HPSE2: variants seen among roughly 807,000 people sequenced by gnomAD.
The protein encoded by HPSE2 is inactive heparanase-2.
HPSE2 carries 38 observed loss-of-function variants against 60.5 expected under a neutral mutation model. The ratio of observed to expected loss-of-function variants is 0.63; its 90% CI spans 0.48 to 0.82. HPSE2 has a LOEUF of 0.82. Ranked by LOEUF, HPSE2 falls within the 40% of genes least tolerant of loss-of-function variation. The pLI, the probability that HPSE2 is intolerant of heterozygous loss-of-function variation, is 0.00. For missense variants in HPSE2, 713 were observed against 740.4 expected, an observed-to-expected ratio of 0.96 and a Z score of 0.43; for synonymous variants, 295 against 293.2, an observed-to-expected ratio of 1.01 and a Z score of -0.06.
chr10:98,864,130 C>G (rs1308575018), intron 3 of HPSE2, among the ~76,000 whole-genome samples: 1 of 152,100 alleles, frequency 6.6e-6, no homozygotes, highest in Non-Finnish European at 1.5e-5. Context: ...AAAATGCATT[C>G]TGGGTTCTAA....
At chr10:99,164,770 T>C (rs113001287) in intron 2 of HPSE2, among the ~76,000 whole-genome samples, 3,009 of 151,162 alleles carry the variant, frequency 0.02, 111 homozygotes, top group African/African-American at 0.07. Flanking sequence ...CATGCCTGTA[T>C]TCCCAGCACT....
intron 3 of HPSE2, among the ~76,000 whole-genome samples, chr10:99,037,957 C>G (rs1482259105): frequency 1.3e-5 from 2 of 152,022 alleles, no homozygotes; most frequent in Non-Finnish European, 2.9e-5. Context: ...TATCACTAGC[C>G]ATTAGGGAAA....
At chr10:98,888,602 T>C (rs1220719984) in intron 3 of HPSE2, among the ~76,000 whole-genome samples, 1 of 152,146 alleles carries the variant, frequency 6.6e-6, no homozygotes, top group Non-Finnish European at 1.5e-5. Flanking sequence ...ATTGTATAAG[T>C]GAAGGTATGT....
intron 9 of HPSE2, among the ~76,000 whole-genome samples, chr10:98,577,447 G>A (rs1944672462): frequency 6.6e-6 from 1 of 152,062 alleles, no homozygotes; most frequent in Admixed American, 6.6e-5. Flanking sequence ...TTGCTCTGTG[G>A]TATTCACTAG....
At chr10:98,549,469 T>C (rs1029394643) in intron 9 of HPSE2, among the ~76,000 whole-genome samples, 1 of 152,206 alleles carries the variant, frequency 6.6e-6, no homozygotes, top group African/African-American at 2.4e-5. Context: ...TCTTGACTTA[T>C]TTCCATTAGG....
chr10:98,998,078 G>A (rs1956690564), intron 3 of HPSE2, among the ~76,000 whole-genome samples: 1 of 152,158 alleles, frequency 6.6e-6, no homozygotes, highest in Non-Finnish European at 1.5e-5. Flanking sequence ...CCTTCCTGAA[G>A]TCTCCATTCC....
At chr10:98,604,344 A>G (rs1324094357) in intron 9 of HPSE2, among the ~76,000 whole-genome samples, 2 of 152,180 alleles carry the variant, frequency 1.3e-5, no homozygotes, top group African/African-American at 4.8e-5. Context: ...ATACTATAAC[A>G]CAAATGAAGA....
chr10:98,573,157 T>C (rs1944546879), intron 9 of HPSE2, among the ~76,000 whole-genome samples: 1 of 152,244 alleles, frequency 6.6e-6, no homozygotes, highest in Non-Finnish European at 1.5e-5. Flanking sequence ...TTGTGAGGAT[T>C]CACTAGTGCA....
chr10:98,798,533 G>A (rs1398590250), intron 3 of HPSE2, among the ~76,000 whole-genome samples: 1 of 152,132 alleles, frequency 6.6e-6, no homozygotes, highest in Non-Finnish European at 1.5e-5. Context: ...TCAAGACATA[G>A]GCAGTACAGT....
At chr10:99,271,287 G>A in the HPSE2 span, among the ~76,000 whole-genome samples, 32 of 152,312 alleles carry the variant, frequency 2.1e-4, no homozygotes, top group African/African-American at 6.5e-4. Flanking sequence ...ATTCAGCAAA[G>A]TTTCAGGATA....
rs1240406503 is a variant in HPSE2, at chr10:98,620,607, T to C, written c.1200A>G (p.Gly400=). ...AACTTGCAGGTGTTACTCACAAGAA[T>C]CCTGCAGCATAGGAATCGGATAGAT... The part of the protein sequence containing the change: ...TNNLSDSYAA[G]FLWLNTLGML... Residue 400 remains glycine, a synonymous_variant, in exon 8 of 12, where the codon GGA becomes GGG. Coordinates refer to ENST00000370552, the MANE Select transcript of HPSE2 (RefSeq NM_021828.5). 7.4e-6 allele frequency: 12 copies of C among 1,612,802 alleles called. No homozygotes were observed. Among genetic ancestry groups the C allele is most frequent in the Non-Finnish European group, 1.0e-5 (12 of 1,178,828 alleles).
intron 3 of HPSE2, among the ~76,000 whole-genome samples, chr10:99,082,462 T>C (rs984439525): frequency 3.3e-5 from 5 of 152,242 alleles, no homozygotes; most frequent in South Asian, 4.1e-4. Context: ...AATCTGTCTG[T>C]TGCTACTGCT....
At chr10:99,250,983 A>G in the HPSE2 span, among the ~76,000 whole-genome samples, 4 of 152,210 alleles carry the variant, frequency 2.6e-5, no homozygotes, top group African/African-American at 9.6e-5. Context: ...CTAGCAGAAG[A>G]AAAGAAATAA....
chr10:99,147,289 A>G (rs933656307), intron 2 of HPSE2, among the ~76,000 whole-genome samples: 1 of 152,222 alleles, frequency 6.6e-6, no homozygotes, highest in Admixed American at 6.5e-5. Context: ...AGAACTAAAA[A>G]GAAAAACTGA....
At chr10:99,305,597 T>C in the HPSE2 span, among the ~76,000 whole-genome samples, 1 of 152,208 alleles carries the variant, frequency 6.6e-6, no homozygotes, top group African/African-American at 2.4e-5. Context: ...AACCATCTTC[T>C]GAAGCCTTGA....
At chr10:98,701,576 C>G (rs1398957602) in intron 5 of HPSE2, among the ~76,000 whole-genome samples, 4 of 151,384 alleles carry the variant, frequency 2.6e-5, no homozygotes, top group Admixed American at 2.6e-4. Context: ...ACCAGCATGG[C>G]ACATGTATAC....
chr10:99,084,295 A>C (rs1199043190), intron 3 of HPSE2, among the ~76,000 whole-genome samples: 2 of 152,160 alleles, frequency 1.3e-5, no homozygotes, highest in Non-Finnish European at 2.9e-5. Flanking sequence ...GTTCTTGAGA[A>C]CTAAGAACAA....
At chr10:98,777,893 G>C (rs556436622) in intron 3 of HPSE2, among the ~76,000 whole-genome samples, 42 of 152,148 alleles carry the variant, frequency 2.8e-4, no homozygotes, top group African/African-American at 9.2e-4. Flanking sequence ...TTAAATTAAG[G>C]GAAACATGAT....
intron 3 of HPSE2, among the ~76,000 whole-genome samples, chr10:98,885,073 A>T (rs1421882502): frequency 1.3e-5 from 2 of 152,148 alleles, no homozygotes; most frequent in Non-Finnish European, 2.9e-5. Flanking sequence ...GATTCATGGG[A>T]GGAGGTCAAA....
Sources: allele counts gnomAD v4.1 joint callset (sites outside exome capture counted in the v4.1 genomes callset), GRCh38; gene constraint gnomAD v4.1.1; transcripts MANE v1.5; gene names NCBI Gene and HGNC (gene_info 2026-07-23, HGNC 2026-07-21).